The following CCDC7 variants were observed in gnomAD, a reference collection of about 807,000 sequenced individuals.
CCDC7 encodes coiled-coil domain containing 7.
A neutral mutation model predicts 196.9 loss-of-function variants in CCDC7; 183 were observed. The ratio of observed to expected loss-of-function variants is 0.93; its 90% CI spans 0.82 to 1.05. The LOEUF (loss-of-function observed/expected upper bound fraction) is 1.05. Among genes scored for constraint, CCDC7 ranks in the 50% least tolerant of loss-of-function variants. The pLI, the probability that CCDC7 is intolerant of heterozygous loss-of-function variation, is 0.00. For synonymous variants in CCDC7, 525 were observed against 484.6 expected (o/e 1.08, Z -1.10); for missense variants, 1,540 against 1,482.2 (o/e 1.04, Z -0.64).
intron 13 of CCDC7, among the ~76,000 whole-genome samples, chr10:32,560,938 G>A (rs1026901815): frequency 9.9e-5 from 15 of 151,982 alleles, no homozygotes; most frequent in Non-Finnish European, 1.6e-4. Context: ...CTCACATGCA[G>A]AGACACACAG....
At chr10:32,487,551 G>T (rs1589094854) in intron 8 of CCDC7, among the ~76,000 whole-genome samples, 1 of 151,966 alleles carries the variant, frequency 6.6e-6, no homozygotes, top group Admixed American at 6.6e-5. Context: ...TTTGGAGGAG[G>T]AGAGGCACTC....
chr10:32,589,892 C>T (rs1489235449), intron 18 of CCDC7, among the ~76,000 whole-genome samples: 1 of 151,866 alleles, frequency 6.6e-6, no homozygotes, highest in East Asian at 1.9e-4. Context: ...TTTTGGTTTC[C>T]ATTTGCATGG....
At chr10:32,792,797 C>G (rs1410776048) in intron 29 of CCDC7, among the ~76,000 whole-genome samples, 1 of 152,134 alleles carries the variant, frequency 6.6e-6, no homozygotes, top group Non-Finnish European at 1.5e-5. Flanking sequence ...AAGACTCTGT[C>G]TCACCTAGAT....
chr10:32,790,966 C>T (rs1592781827), intron 29 of CCDC7, among the ~76,000 whole-genome samples: 1 of 152,160 alleles, frequency 6.6e-6, no homozygotes, highest in Admixed American at 6.5e-5. Context: ...TCAGACCCAA[C>T]ACCAAGAGGG....
intron 41 of CCDC7, among the ~76,000 whole-genome samples, chr10:32,861,503 T>C (rs1322702560): frequency 6.6e-6 from 1 of 152,126 alleles, no homozygotes; most frequent in African/African-American, 2.4e-5. Flanking sequence ...ATTCAGGACA[T>C]AGGCATGGGT....
intron 20 of CCDC7, among the ~76,000 whole-genome samples, chr10:32,648,306 T>A (rs1229050184): frequency 6.6e-6 from 1 of 152,212 alleles, no homozygotes; most frequent in East Asian, 1.9e-4. Flanking sequence ...GCTTTGGTTA[T>A]TTGGGCTCTT....
upstream of CCDC7, among the ~76,000 whole-genome samples, chr10:32,443,882 T>C (rs1021298652): frequency 6.6e-6 from 1 of 152,318 alleles, no homozygotes; most frequent in Non-Finnish European, 1.5e-5. Flanking sequence ...TAAATATTGA[T>C]AGACATAGAC....
At chr10:32,576,172 C>A (rs1446760093) in intron 16 of CCDC7, among the ~76,000 whole-genome samples, 1 of 151,912 alleles carries the variant, frequency 6.6e-6, no homozygotes, top group African/African-American at 2.4e-5. Context: ...CAGTGGGGAC[C>A]CCAAAGTTAC....
At chr10:32,787,638 A>G (rs1274861769) in intron 29 of CCDC7, among the ~76,000 whole-genome samples, 3 of 152,178 alleles carry the variant, frequency 2.0e-5, no homozygotes, top group African/African-American at 7.2e-5. Flanking sequence ...AATGCCAGCC[A>G]GGCCCCTACA....
intron 31 of CCDC7, among the ~76,000 whole-genome samples, chr10:32,820,150 C>G (rs552153480): frequency 5.9e-5 from 9 of 152,154 alleles, no homozygotes; most frequent in African/African-American, 1.9e-4. Flanking sequence ...GCAAAAATCA[C>G]AAGCATTCTT....
At chr10:32,459,801 A>T (rs1195793210) in intron 3 of CCDC7, among the ~76,000 whole-genome samples, 1 of 152,048 alleles carries the variant, frequency 6.6e-6, no homozygotes, top group Admixed American at 6.6e-5. Flanking sequence ...AAGAAAATGA[A>T]CAAGGCCAAA....
chr10:32,702,097 T>C (rs993741706), intron 24 of CCDC7, among the ~76,000 whole-genome samples: 5 of 152,214 alleles, frequency 3.3e-5, no homozygotes, highest in African/African-American at 1.2e-4. Context: ...TTCTAGTTCT[T>C]TTAATTGTGA....
intron 18 of CCDC7, among the ~76,000 whole-genome samples, chr10:32,598,631 C>T (rs1166264319): frequency 1.3e-5 from 2 of 152,160 alleles, no homozygotes; most frequent in Non-Finnish European, 2.9e-5. Context: ...CCACCCCTGT[C>T]TCAAGATATT....
intron 33 of CCDC7, 99 bp downstream of exon 34, chr10:32,834,997 T>A (rs550914922): frequency 5.1e-5 from 26 of 509,598 alleles, no homozygotes; most frequent in East Asian, 4.1e-4. Flanking sequence ...AGTTATTACA[T>A]GCGAAAATAT....
rs537721408 is a variant in CCDC7 at position 32,691,308 on chromosome 10, G to A, written c.2344+2145G>A. 3.3e-5 allele frequency among the ~76,000 whole-genome samples: 5 copies of A among 152,214 alleles called. No individual in the cohort carries two copies. In the South Asian group the frequency reaches 1.0e-3, roughly 32 times the overall value. On this transcript the variant is annotated intron_variant, in intron 23 of 41. Transcript: ENST00000639629. Reference sequence around the variant, plus strand: ...GTTGGTACCCATGGCCCACTACCTGGCCAGGAGGTTCTTGGTGAAAAGTCC... The same window carrying A: ...GTTGGTACCCATGGCCCACTACCTGACCAGGAGGTTCTTGGTGAAAAGTCC...
At chr10:32,811,352 A>C (rs1334033777) in intron 30 of CCDC7, among the ~76,000 whole-genome samples, 1 of 152,122 alleles carries the variant, frequency 6.6e-6, no homozygotes, top group Non-Finnish European at 1.5e-5. Context: ...AAAGATCATC[A>C]GAAAATATTA....
At chr10:32,522,828 G>T (rs192064985) in intron 11 of CCDC7, among the ~76,000 whole-genome samples, 1 of 151,908 alleles carries the variant, frequency 6.6e-6, no homozygotes, top group African/African-American at 2.4e-5. Context: ...TACTGTTTTT[G>T]CTGTATCCCA....
At chr10:32,727,893 T>G (rs1187394001) in intron 26 of CCDC7, among the ~76,000 whole-genome samples, 1 of 152,136 alleles carries the variant, frequency 6.6e-6, no homozygotes, top group Non-Finnish European at 1.5e-5. Context: ...GTCAACCATC[T>G]CCTCTATTGT....
intron 29 of CCDC7, among the ~76,000 whole-genome samples, chr10:32,788,885 A>G (rs918400337): frequency 2.0e-5 from 3 of 152,184 alleles, no homozygotes; most frequent in Non-Finnish European, 4.4e-5. Context: ...TTTTGTGGAT[A>G]TGGCTTACAG....
Sources: gnomAD v4.1 joint callset for allele counts (sites outside exome capture counted in the v4.1 genomes callset) on GRCh38, gnomAD v4.1.1 for gene constraint, MANE v1.5 for transcripts, NCBI Gene and HGNC (gene_info 2026-07-23, HGNC 2026-07-21) for gene names.